KIZ: variants seen among roughly 807,000 people sequenced by gnomAD.
KIZ encodes the protein centrosomal protein kizuna.
Under a neutral mutation model 79.6 loss-of-function variants are expected in KIZ, and 68 were observed. The observed-to-expected ratio is 0.85, with a 90% CI of 0.70 to 1.05. KIZ has a LOEUF of 1.05. Ranked by LOEUF, KIZ falls within the 50% of genes least tolerant of loss-of-function variation. The pLI, the probability that KIZ is intolerant of heterozygous loss-of-function variation, is 0.00. For synonymous variants in KIZ, 280 were observed against 281.8 expected (o/e 0.99, Z 0.06); for missense variants, 797 against 800.4 (o/e 1.00, Z 0.05).
intron 7 of KIZ, among the ~76,000 whole-genome samples, chr20:21,209,679 C>T (rs1314857264): frequency 6.6e-6 from 1 of 152,268 alleles, no homozygotes; most frequent in Non-Finnish European, 1.5e-5. Context: ...GAAATTACTT[C>T]CAGTGTCCAA....
At chr20:21,169,456 T>C (rs1488151342) in intron 6 of KIZ, among the ~76,000 whole-genome samples, 1 of 152,060 alleles carries the variant, frequency 6.6e-6, no homozygotes, top group East Asian at 1.9e-4. Flanking sequence ...TGTGGAGAAA[T>C]AGGAACACTT....
At chr20:21,212,515 A>T (rs781280943) in intron 7 of KIZ, among the ~76,000 whole-genome samples, 7 of 152,262 alleles carry the variant, frequency 4.6e-5, no homozygotes, top group Admixed American at 1.3e-4. Context: ...TGAGCAGTTT[A>T]AGGTAGGCAA....
intron 6 of KIZ, among the ~76,000 whole-genome samples, chr20:21,175,731 C>T (rs2034405049): frequency 6.6e-6 from 1 of 152,172 alleles, no homozygotes; most frequent in African/African-American, 2.4e-5. Context: ...TCTAGGAGGC[C>T]AGGCATGGTG....
At chr20:21,213,931 T>C (rs1016651984) in intron 7 of KIZ, 2 of 152,314 alleles carry the variant, frequency 1.3e-5, no homozygotes, top group Non-Finnish European at 2.9e-5. Flanking sequence ...CAGACCATCT[T>C]AGTACTTGAT....
chr20:21,234,356 A>C (rs566517187), intron 11 of KIZ, among the ~76,000 whole-genome samples: 24 of 151,570 alleles, frequency 1.6e-4, no homozygotes, highest in Non-Finnish European at 3.2e-4. Flanking sequence ...GAAAACAAAA[A>C]AAAAAACCAC....
intron 6 of KIZ, among the ~76,000 whole-genome samples, chr20:21,175,840 G>C (rs2034408469): frequency 1.3e-5 from 2 of 152,034 alleles, no homozygotes; most frequent in Admixed American, 1.3e-4. Context: ...TATGGTGAAA[G>C]CTGGTCTCTA....
At chr20:21,199,375 C>T (rs2035494659) in intron 6 of KIZ, among the ~76,000 whole-genome samples, 1 of 152,134 alleles carries the variant, frequency 6.6e-6, no homozygotes, top group Non-Finnish European at 1.5e-5. Flanking sequence ...GTTTCTTTAC[C>T]ACAGTCATTT....
At chr20:21,234,461 T>C (rs1686628099) in intron 11 of KIZ, among the ~76,000 whole-genome samples, 1 of 151,990 alleles carries the variant, frequency 6.6e-6, no homozygotes, top group African/African-American at 2.4e-5. Flanking sequence ...TTTGGCGTGC[T>C]GTTTGTCACG....
chr20:21,211,952 G>T (rs1267245133), intron 7 of KIZ, among the ~76,000 whole-genome samples: 7 of 152,138 alleles, frequency 4.6e-5, no homozygotes, highest in Non-Finnish European at 8.8e-5. Flanking sequence ...AGCCTGGTTT[G>T]GTGACACACG....
intron 6 of KIZ, among the ~76,000 whole-genome samples, chr20:21,167,600 C>T (rs1159856122): frequency 6.1e-5 from 7 of 114,058 alleles, no homozygotes; most frequent in South Asian, 3.2e-4. Context: ...TCACTCTTGT[C>T]GCCCAGGCTG....
At chr20:21,238,375 G>A (rs1207243613) in intron 11 of KIZ, among the ~76,000 whole-genome samples, 9 of 151,762 alleles carry the variant, frequency 5.9e-5, no homozygotes, top group Non-Finnish European at 4.4e-5. Flanking sequence ...GTGAGAGGGT[G>A]TGAGTGTGTG....
At chr20:21,140,627 A>G (rs1456581619) in intron 3 of KIZ, among the ~76,000 whole-genome samples, 9 of 152,192 alleles carry the variant, frequency 5.9e-5, no homozygotes, top group Non-Finnish European at 1.0e-4. Context: ...ATACAGTGTT[A>G]TATCTATGCT....
intron 4 of KIZ, among the ~76,000 whole-genome samples, chr20:21,158,897 A>C (rs1419036450): frequency 1.3e-5 from 2 of 151,832 alleles, no homozygotes; most frequent in Non-Finnish European, 2.9e-5. Flanking sequence ...GGGCCCAAGC[A>C]GTTCTCCTGC....
chr20:21,235,170 C>T (rs1211609618), intron 11 of KIZ, among the ~76,000 whole-genome samples: 1 of 152,176 alleles, frequency 6.6e-6, no homozygotes, highest in East Asian at 1.9e-4. Flanking sequence ...GATTAATACA[C>T]ACAAGCTATA....
intron 6 of KIZ, among the ~76,000 whole-genome samples, chr20:21,183,800 G>A (rs966380544): frequency 2.6e-5 from 4 of 152,106 alleles, no homozygotes; most frequent in African/African-American, 7.2e-5. Context: ...CAGTCTTCAG[G>A]CTGGCTTTGC....
intron 6 of KIZ, among the ~76,000 whole-genome samples, chr20:21,171,558 ACCTCAC>A (rs1828849476): frequency 6.6e-6 from 1 of 151,994 alleles, no homozygotes; most frequent in Non-Finnish European, 1.5e-5. Context: ...TGATCCTGCC[ACCTCAC>A]CCTCTTGAGT....
intron 10 of KIZ, among the ~76,000 whole-genome samples, chr20:21,230,691 C>T (rs912090402): frequency 6.6e-6 from 1 of 152,144 alleles, no homozygotes; most frequent in African/African-American, 2.4e-5. Flanking sequence ...CTGGGAGAGC[C>T]GGCCATTGTG....
chr20:21,131,371 G>A (rs941858665), intron 1 of KIZ, among the ~76,000 whole-genome samples: 2 of 152,196 alleles, frequency 1.3e-5, no homozygotes, highest in South Asian at 2.1e-4. Flanking sequence ...CCATTACAGA[G>A]TTATAAAAAG....
intron 5 of KIZ, 109 bp from the exon 6 acceptor site, chr20:21,162,741 T>C: frequency 1.1e-6 from 1 of 893,138 alleles, no homozygotes; most frequent in East Asian, 2.6e-5. Context: ...TAATGAATTG[T>C]GTGTGGGTTG....
Sources: gnomAD v4.1 joint callset for allele counts (sites outside exome capture counted in the v4.1 genomes callset) on GRCh38, gnomAD v4.1.1 for gene constraint, MANE v1.5 for transcripts, NCBI Gene and HGNC (gene_info 2026-07-23, HGNC 2026-07-21) for gene names.